NDFIP1: variants seen among roughly 807,000 people sequenced by gnomAD.
NDFIP1 encodes Nedd4 family interacting protein 1, also known as NEDD4 family-interacting protein 1.
Under a neutral mutation model 28.8 loss-of-function variants are expected in NDFIP1, and 7 were observed. That is an observed-to-expected ratio of 0.24 (90% CI 0.14 to 0.46). The LOEUF (loss-of-function observed/expected upper bound fraction) is 0.46, where lower values mean the gene tolerates loss of function less well. Among genes scored for constraint, NDFIP1 ranks in the 20% least tolerant of loss-of-function variants. The pLI, the probability that NDFIP1 is intolerant of heterozygous loss-of-function variation, is 0.99. For synonymous variants in NDFIP1, 92 were observed against 101.0 expected, an observed-to-expected ratio of 0.91 and a Z score of 0.53; for missense variants, 194 against 269.1, an observed-to-expected ratio of 0.72 and a Z score of 1.95.
In NDFIP1 at chr5:142,131,882, TGCAGAGAGC is replaced by T; in HGVS notation, c.143_151del (p.Glu48_Ala50del). ...CTCCTCCACCTTACAGCAGCATTTC[TGCAGAGAGC>T]GCAGGTAGGTAACAGGGCAAGGTGA... is the stretch of plus-strand genomic sequence containing the variant. On this transcript the variant is annotated inframe_deletion, in exon 2 of 8. Coordinates refer to ENST00000253814, the MANE Select transcript of NDFIP1 (RefSeq NM_030571.4). The T allele has an allele frequency of 6.2e-7, 1 of 1,601,976 alleles. No homozygotes were observed. Among genetic ancestry groups the T allele is most frequent in the African/African-American group, 1.3e-5 (1 of 74,214 alleles).
intron 1 of NDFIP1, among the ~76,000 whole-genome samples, chr5:142,126,851 T>A (rs1184029894): frequency 6.6e-6 from 1 of 152,166 alleles, no homozygotes; most frequent in Non-Finnish European, 1.5e-5. Flanking sequence ...TAGGGTATAA[T>A]GTCTTAAACG....
rs1757230681 is a variant in NDFIP1, at chr5:142,131,823, G to C, written c.79G>C (p.Glu27Gln). 1 of 1,585,296 alleles carries C rather than the reference G, an allele frequency of 6.3e-7. No homozygotes were observed. The highest frequency in any genetic ancestry group is 8.5e-7 in the Non-Finnish European group (1 of 1,170,464). ...SRYQQLQNEE[E>Q]SGEPEQAAGD... ...TTTTATTTAGTTGCAGAATGAAGAAGAGTCTGGAGAACCTGAACAGGCTGC... is the reference window on the plus strand; with the variant it reads ...TTTTATTTAGTTGCAGAATGAAGAACAGTCTGGAGAACCTGAACAGGCTGC... The change falls in exon 2 of 8, where the codon GAG becomes CAG. Residue 27 changes from glutamate (E) to glutamine (Q), a missense_variant. Coordinates refer to ENST00000253814, the MANE Select transcript of NDFIP1 (RefSeq NM_030571.4).
chr5:142,126,847 A>G (rs1404634821), intron 1 of NDFIP1, among the ~76,000 whole-genome samples: 1 of 152,176 alleles, frequency 6.6e-6, no homozygotes, highest in East Asian at 1.9e-4. Context: ...TCTGTAGGGT[A>G]TAATGTCTTA....
chr5:142,110,276 A>T (rs1433380212), intron 1 of NDFIP1, among the ~76,000 whole-genome samples: 2 of 152,176 alleles, frequency 1.3e-5, no homozygotes, highest in Non-Finnish European at 2.9e-5. Flanking sequence ...GAGCACATGG[A>T]TCTAGCACAT....
chr5:142,111,087 A>G (rs1349128013), intron 1 of NDFIP1, among the ~76,000 whole-genome samples: 1 of 152,044 alleles, frequency 6.6e-6, no homozygotes, highest in East Asian at 1.9e-4. Context: ...ACCCATATAT[A>G]CGTATACAGA....
intron 1 of NDFIP1, among the ~76,000 whole-genome samples, chr5:142,131,257 A>T (rs190841554): frequency 6.6e-6 from 1 of 151,828 alleles, no homozygotes; most frequent in African/African-American, 2.4e-5. Flanking sequence ...GGTGTGAGCC[A>T]CCATGCCTGG....
intron 6 of NDFIP1, chr5:142,142,940 A>AAAAAAATATATATATATAT (rs60076432): frequency 1.3e-4 from 5 of 38,142 alleles, no homozygotes; most frequent in Non-Finnish European, 2.2e-4. Flanking sequence ...AAAAAAAAAA[A>AAAAAAATATATATATATAT]ATATATATAT....
intron 1 of NDFIP1, among the ~76,000 whole-genome samples, chr5:142,109,521 C>G (rs7726323): frequency 1.2e-4 from 18 of 152,224 alleles, no homozygotes; most frequent in Admixed American, 5.9e-4. Context: ...TTGTCGAAAC[C>G]CATCCCCCTC....
At chr5:142,148,088 A>AT (rs990429261) in intron 7 of NDFIP1, among the ~76,000 whole-genome samples, 3 of 152,198 alleles carry the variant, frequency 2.0e-5, no homozygotes, top group Admixed American at 2.0e-4. Context: ...CAGATACAGA[A>AT]TTTTTAAAAT....
At chr5:142,120,536 C>G (rs530365603) in intron 1 of NDFIP1, among the ~76,000 whole-genome samples, 1 of 152,202 alleles carries the variant, frequency 6.6e-6, no homozygotes, top group East Asian at 1.9e-4. Context: ...GTTTTTTTGC[C>G]TTTAAACAAA....
At chr5:142,126,120 A>G (rs940124193) in intron 1 of NDFIP1, among the ~76,000 whole-genome samples, 6 of 152,252 alleles carry the variant, frequency 3.9e-5, no homozygotes, top group African/African-American at 1.4e-4. Context: ...CAGGCCACAC[A>G]AACTTAATGA....
At chr5:142,120,667 C>A (rs1438656568) in intron 1 of NDFIP1, among the ~76,000 whole-genome samples, 9 of 152,212 alleles carry the variant, frequency 5.9e-5, no homozygotes, top group Non-Finnish European at 1.2e-4. Flanking sequence ...GCTAAACTTG[C>A]AGACTTAGTG....
At chr5:142,139,970 A>G (rs1449665136) in intron 5 of NDFIP1, among the ~76,000 whole-genome samples, 1 of 152,098 alleles carries the variant, frequency 6.6e-6, no homozygotes, top group Non-Finnish European at 1.5e-5. Flanking sequence ...TTCTAAAAAA[A>G]CCAATTTTTG....
intron 6 of NDFIP1, among the ~76,000 whole-genome samples, chr5:142,141,658 AG>A (rs1233250858): frequency 6.6e-6 from 1 of 152,166 alleles, no homozygotes; most frequent in Non-Finnish European, 1.5e-5. Flanking sequence ...AAAGAATAAC[AG>A]GGCCATCTTG....
At chr5:142,137,065 A>G (rs939118828) in intron 4 of NDFIP1, among the ~76,000 whole-genome samples, 1 of 97,666 alleles carries the variant, frequency 1.0e-5, no homozygotes, top group Non-Finnish European at 2.0e-5. Context: ...AGTGAGACTC[A>G]GTCTCAAAAA....
chr5:142,125,986 C>A (rs746256728), intron 1 of NDFIP1, among the ~76,000 whole-genome samples: 4 of 152,060 alleles, frequency 2.6e-5, no homozygotes, highest in African/African-American at 4.8e-5. Flanking sequence ...CTTATCTTGT[C>A]AGAATTATTT....
intron 7 of NDFIP1, among the ~76,000 whole-genome samples, chr5:142,147,323 C>A (rs553771469): frequency 6.6e-6 from 1 of 152,232 alleles, no homozygotes; most frequent in African/African-American, 2.4e-5. Flanking sequence ...CTGTCCAGAT[C>A]CAGATGTAGA....
At chr5:142,127,660 T>C (rs1430691763) in intron 1 of NDFIP1, among the ~76,000 whole-genome samples, 1 of 152,116 alleles carries the variant, frequency 6.6e-6, no homozygotes, top group African/African-American at 2.4e-5. Flanking sequence ...AAAATGCCAT[T>C]TAAATCATAT....
intron 4 of NDFIP1, among the ~76,000 whole-genome samples, chr5:142,136,801 C>T (rs985173607): frequency 6.8e-6 from 1 of 146,564 alleles, no homozygotes; most frequent in Non-Finnish European, 1.5e-5. Flanking sequence ...CACAGTGGCT[C>T]ATGCCTGTAA....
Sources: allele counts gnomAD v4.1 joint callset (sites outside exome capture counted in the v4.1 genomes callset), GRCh38; gene constraint gnomAD v4.1.1; transcripts MANE v1.5; gene names NCBI Gene and HGNC (gene_info 2026-07-23, HGNC 2026-07-21).